TTC28: variants seen among roughly 807,000 people sequenced by gnomAD.
TTC28 encodes the protein tetratricopeptide repeat protein 28.
In TTC28, 61 loss-of-function variants were observed where a neutral mutation model predicts 198.0. The ratio of observed to expected loss-of-function variants is 0.31; its 90% CI spans 0.25 to 0.38. The LOEUF (loss-of-function observed/expected upper bound fraction) is 0.38. Among genes scored for constraint, TTC28 ranks in the 10% least tolerant of loss-of-function variants. TTC28 has a pLI of 1.00. For synonymous variants in TTC28, 1,171 were observed against 1,297.8 expected (o/e 0.90, Z 2.10); for missense variants, 2,678 against 3,164.0 (o/e 0.85, Z 3.69).
intron 11 of TTC28, among the ~76,000 whole-genome samples, chr22:28,095,383 T>A (rs550973884): frequency 4.9e-4 from 74 of 152,026 alleles, no homozygotes; most frequent in East Asian, 3.5e-3. Context: ...TTTTTTTTTT[T>A]AAATCAAAGG....
intron 2 of TTC28, among the ~76,000 whole-genome samples, chr22:28,528,813 TAAG>T (rs1179849715): frequency 4.1e-5 from 6 of 146,222 alleles, no homozygotes; most frequent in Non-Finnish European, 9.0e-5. Context: ...TTGCAAATAA[TAAG>T]ATTGAATTCC....
chr22:28,492,152 C>T (rs1044415985), intron 2 of TTC28, among the ~76,000 whole-genome samples: 16 of 151,956 alleles, frequency 1.1e-4, no homozygotes, highest in Non-Finnish European at 2.1e-4. Flanking sequence ...AGGAGATATA[C>T]CTAATGCTAA....
At chr22:28,095,053 T>C (rs1366512782) in intron 11 of TTC28, among the ~76,000 whole-genome samples, 2 of 152,126 alleles carry the variant, frequency 1.3e-5, no homozygotes, top group Admixed American at 6.5e-5. Context: ...GTCCCCAAGA[T>C]GTAACAACCA....
chr22:28,096,466 C>T, intron 10 of TTC28, 58 bp from the exon 11 acceptor site: 1 of 1,526,004 alleles, frequency 6.6e-7, no homozygotes, highest in South Asian at 1.2e-5. Flanking sequence ...CTTAGAGAGG[C>T]CTATCAGGGA....
chr22:28,082,930 T>C (rs1028459958), intron 12 of TTC28, among the ~76,000 whole-genome samples: 4 of 152,204 alleles, frequency 2.6e-5, no homozygotes, highest in South Asian at 2.1e-4. Context: ...TCACTAGTTA[T>C]AGATCTGTTC....
chr22:28,672,705 C>G (rs2051909064), intron 1 of TTC28, among the ~76,000 whole-genome samples: 1 of 152,140 alleles, frequency 6.6e-6, no homozygotes, highest in South Asian at 2.1e-4. Flanking sequence ...AATTATTTTG[C>G]TAGACACCAA....
At chr22:28,335,815 C>T (rs567961239) in intron 2 of TTC28, among the ~76,000 whole-genome samples, 60 of 152,082 alleles carry the variant, frequency 3.9e-4, no homozygotes, top group South Asian at 1.2e-3. Flanking sequence ...CTTTTCCTAA[C>T]TGAATAACAT....
intron 2 of TTC28, among the ~76,000 whole-genome samples, chr22:28,474,999 T>G (rs1331756662): frequency 6.6e-6 from 1 of 151,074 alleles, no homozygotes; most frequent in Non-Finnish European, 1.5e-5. Flanking sequence ...AGGAACAGGC[T>G]TTACTAAAAA....
At chr22:28,294,216 G>A (rs562008706) in intron 5 of TTC28, among the ~76,000 whole-genome samples, 2 of 152,140 alleles carry the variant, frequency 1.3e-5, no homozygotes, top group Non-Finnish European at 2.9e-5. Context: ...ACTATGGTAG[G>A]TGGCAAACCT....
At chr22:28,075,685 C>T (rs762283410) in intron 12 of TTC28, among the ~76,000 whole-genome samples, 18 of 152,194 alleles carry the variant, frequency 1.2e-4, no homozygotes, top group Non-Finnish European at 2.5e-4. Flanking sequence ...AATGTCTGGG[C>T]CCTTTCTTTC....
intron 3 of TTC28, among the ~76,000 whole-genome samples, chr22:28,301,157 A>G (rs2045014542): frequency 6.6e-6 from 1 of 152,240 alleles, no homozygotes; most frequent in Non-Finnish European, 1.5e-5. Context: ...AAGTGGTAAG[A>G]TAAGTTTTCT....
chr22:28,266,889 A>T (rs1426609525), intron 5 of TTC28, among the ~76,000 whole-genome samples: 1 of 152,200 alleles, frequency 6.6e-6, no homozygotes, highest in Non-Finnish European at 1.5e-5. Context: ...AACCTATAAA[A>T]ACCCAGACTT....
At chr22:28,369,744 T>C (rs1444201202) in intron 2 of TTC28, among the ~76,000 whole-genome samples, 1 of 152,358 alleles carries the variant, frequency 6.6e-6, no homozygotes, top group East Asian at 1.9e-4. Flanking sequence ...ATGTTACCAT[T>C]TATATAGAAC....
rs1030184719 is a variant in TTC28 at position 27,983,778 on chromosome 22, A to T, written c.5889T>A (p.Ser1963=). The change falls in exon 23 of 23, where the codon TCT becomes TCA. Residue 1963 remains serine (S), a synonymous_variant. Coordinates refer to ENST00000397906, the MANE Select transcript of TTC28 (RefSeq NM_001145418.2). ...SSLESLASAQ[S]VSNALPLGYQ... ...AACCCAAGGGCAGGGCGTTGGAAAC[A>T]GACTGAGCAGAAGCAAGAGACTCGA... The T allele has an allele frequency of 3.2e-6, 5 of 1,551,670 alleles. No individual in the cohort carries two copies. The highest frequency in any genetic ancestry group is 4.4e-6 in the Non-Finnish European group (5 of 1,147,038).
At chr22:27,998,355 CT>C in intron 16 of TTC28, 184 bp downstream of exon 16, 4 of 1,000,488 alleles carry the variant, frequency 4.0e-6, no homozygotes, top group Non-Finnish European at 5.7e-6. Flanking sequence ...CAAAGATGAT[CT>C]TAATAGTAGG....
chr22:28,009,892 C>A (rs1938075901), intron 14 of TTC28, among the ~76,000 whole-genome samples: 1 of 152,218 alleles, frequency 6.6e-6, no homozygotes, highest in Non-Finnish European at 1.5e-5. Context: ...TACTGATACA[C>A]AATGGATCAT....
intron 12 of TTC28, among the ~76,000 whole-genome samples, chr22:28,052,830 C>T (rs974516845): frequency 2.0e-5 from 3 of 152,200 alleles, no homozygotes; most frequent in Non-Finnish European, 4.4e-5. Flanking sequence ...TGGCAGGTTG[C>T]CCTGTGGCTT....
intron 1 of TTC28, among the ~76,000 whole-genome samples, chr22:28,639,336 C>T (rs556397109): frequency 1.3e-5 from 2 of 152,220 alleles, no homozygotes; most frequent in South Asian, 2.1e-4. Context: ...TACACTTCTA[C>T]CAACAATTTA....
chr22:28,482,193 T>C (rs548190305), intron 2 of TTC28, among the ~76,000 whole-genome samples: 1 of 148,424 alleles, frequency 6.7e-6, no homozygotes, highest in African/African-American at 2.5e-5. Flanking sequence ...CTAGTAGAGA[T>C]AGTAATGGGC....
Sources: allele counts gnomAD v4.1 joint callset (sites outside exome capture counted in the v4.1 genomes callset), GRCh38; gene constraint gnomAD v4.1.1; transcripts MANE v1.5; gene names NCBI Gene and HGNC (gene_info 2026-07-23, HGNC 2026-07-21).